The following SEMA5A variants were observed in gnomAD, a reference collection of about 807,000 sequenced individuals.
The protein encoded by SEMA5A is semaphorin-5A.
A neutral mutation model predicts 135.5 loss-of-function variants in SEMA5A; 55 were observed. That is an observed-to-expected ratio of 0.41 (90% CI 0.33 to 0.51). The LOEUF (loss-of-function observed/expected upper bound fraction) is 0.51, where lower values mean the gene tolerates loss of function less well. SEMA5A is among the 20% of genes least tolerant of loss of function. SEMA5A has a pLI of 0.37. For missense variants in SEMA5A, 1,290 were observed against 1,419.9 expected (o/e 0.91, Z 1.47); for synonymous variants, 580 against 546.5 (o/e 1.06, Z -0.85).
At chr5:9,072,509 A>G (rs1258279247) in intron 16 of SEMA5A, among the ~76,000 whole-genome samples, 1 of 152,198 alleles carries the variant, frequency 6.6e-6, no homozygotes, top group East Asian at 1.9e-4. Context: ...ATAGGGAAAG[A>G]TCTGCCTGAA....
chr5:9,076,034 G>A (rs765506458), intron 16 of SEMA5A, among the ~76,000 whole-genome samples: 9 of 151,606 alleles, frequency 5.9e-5, no homozygotes, highest in South Asian at 2.1e-4. Flanking sequence ...GTGAAACCCC[G>A]TCTCTACTAA....
At chr5:9,230,635 G>A (rs918130043) in intron 6 of SEMA5A, among the ~76,000 whole-genome samples, 67 of 152,144 alleles carry the variant, frequency 4.4e-4, no homozygotes, top group Admixed American at 4.2e-3. Context: ...AAAAAAGGAG[G>A]AAGATGTCAG....
At chr5:9,239,182 T>C (rs1748072595) in intron 5 of SEMA5A, among the ~76,000 whole-genome samples, 1 of 152,196 alleles carries the variant, frequency 6.6e-6, no homozygotes, top group Admixed American at 6.5e-5. Flanking sequence ...AAAGAACCAC[T>C]TCAGTGTCTT....
chr5:9,293,220 T>C (rs1751174398), intron 5 of SEMA5A, among the ~76,000 whole-genome samples: 1 of 152,178 alleles, frequency 6.6e-6, no homozygotes, highest in Admixed American at 6.5e-5. Context: ...TGGAAGAATG[T>C]AGTGCAAGGA....
At chr5:9,318,314 A>G in intron 5 of SEMA5A, 58 bp downstream of exon 5, 1 of 1,519,556 alleles carries the variant, frequency 6.6e-7, no homozygotes, top group South Asian at 1.2e-5. Context: ...TCATCCCCTC[A>G]AACAGTGAGT....
At chr5:9,533,249 A>C (rs554662578) in intron 1 of SEMA5A, among the ~76,000 whole-genome samples, 1 of 152,318 alleles carries the variant, frequency 6.6e-6, no homozygotes, top group South Asian at 2.1e-4. Context: ...TACCCCTCTG[A>C]ACATTTCAAC....
At chr5:9,221,226 G>A (rs1194139181) in intron 8 of SEMA5A, among the ~76,000 whole-genome samples, 2 of 152,048 alleles carry the variant, frequency 1.3e-5, no homozygotes, top group Non-Finnish European at 2.9e-5. Context: ...GCAGAACTAA[G>A]GGTGTTTGTT....
At chr5:9,292,454 G>A (rs957009799) in intron 5 of SEMA5A, among the ~76,000 whole-genome samples, 42 of 152,248 alleles carry the variant, frequency 2.8e-4, no homozygotes, top group African/African-American at 8.4e-4. Flanking sequence ...TGAGGCAGTG[G>A]CTACTCAGAT....
chr5:9,490,335 A>G (rs180715317), intron 1 of SEMA5A, among the ~76,000 whole-genome samples: 1 of 152,270 alleles, frequency 6.6e-6, no homozygotes, highest in African/African-American at 2.4e-5. Context: ...GACACAACCT[A>G]TGGTTACATT....
chr5:9,145,763 C>T (rs761878676), intron 12 of SEMA5A, among the ~76,000 whole-genome samples: 4 of 150,336 alleles, frequency 2.7e-5, no homozygotes, highest in African/African-American at 7.3e-5. Flanking sequence ...CTCAGCCTCC[C>T]GAGTAGCTGA....
intron 8 of SEMA5A, among the ~76,000 whole-genome samples, chr5:9,223,362 T>C (rs1747108825): frequency 6.6e-6 from 1 of 152,214 alleles, no homozygotes; most frequent in Admixed American, 6.5e-5. Flanking sequence ...CACGTATCCA[T>C]GGTTTTGCAT....
intron 5 of SEMA5A, among the ~76,000 whole-genome samples, chr5:9,238,476 A>C (rs1748027692): frequency 6.6e-6 from 1 of 152,142 alleles, no homozygotes; most frequent in Admixed American, 6.5e-5. Context: ...CTCTGACTAA[A>C]TGTTTAGAGC....
chr5:9,398,533 A>G lies in SEMA5A; in HGVS notation c.-77-18510T>C, dbSNP rs908863626. ...AAGGGCCAGGTCTGCAAACACATTG[A>G]GAAAATAATTTCCTAACAGACAAGA... On this transcript the variant is annotated intron_variant, in intron 2 of 22. Transcript: ENST00000382496. Among the ~76,000 whole-genome samples the G allele has an allele frequency of 1.3e-4, 20 of 152,358 alleles. No individual in the cohort carries two copies. The East Asian group carries it at 3.9e-3, about 29-fold the overall frequency.
chr5:9,474,521 C>T (rs1211015309), intron 1 of SEMA5A, among the ~76,000 whole-genome samples: 2 of 151,848 alleles, frequency 1.3e-5, no homozygotes, highest in Non-Finnish European at 2.9e-5. Flanking sequence ...GGTATTTCAT[C>T]TGAAAGAGTC....
chr5:9,278,113 T>TAAA (rs58789253), intron 5 of SEMA5A, among the ~76,000 whole-genome samples: 9 of 143,380 alleles, frequency 6.3e-5, no homozygotes, highest in African/African-American at 2.4e-4. Flanking sequence ...CATGTAAACT[T>TAAA]AAAAAAAAAA....
chr5:9,393,064 G>A lies in SEMA5A; in HGVS notation c.-77-13041C>T, dbSNP rs540081971. ...AAAATCTCACATGCTGTGAACATAC[G>A]GTATCTCATCCTTCAGTTCATTAGC... On this transcript the variant is annotated intron_variant, in intron 2 of 22. Coordinates refer to ENST00000382496, the MANE Select transcript of SEMA5A (RefSeq NM_003966.3). Among the ~76,000 whole-genome samples the A allele has an allele frequency of 7.2e-5, 11 of 152,234 alleles. No individual in the cohort carries two copies. The South Asian group carries it at 1.2e-3, about 17-fold the overall frequency.
intron 2 of SEMA5A, among the ~76,000 whole-genome samples, chr5:9,382,165 T>C (rs941178777): frequency 6.6e-6 from 1 of 152,026 alleles, no homozygotes; most frequent in Non-Finnish European, 1.5e-5. Flanking sequence ...CCAGGCATAG[T>C]TGTGTGTGTC....
chr5:9,539,195 A>C (rs1288718412), intron 1 of SEMA5A, among the ~76,000 whole-genome samples: 1 of 152,142 alleles, frequency 6.6e-6, no homozygotes, highest in East Asian at 1.9e-4. Context: ...GCATCTCTAT[A>C]AATGGAAATA....
chr5:9,545,176 G>A lies in SEMA5A; in HGVS notation c.-175+408C>T, dbSNP rs1579720300. ...GGCCGCTCCCGAACCGCCAAGTCCC[G>A]ACCTCCGTGTCCCCTGCCCCCGGCT... On this transcript the variant is annotated intron_variant, in intron 1 of 22. Coordinates refer to ENST00000382496, the MANE Select transcript of SEMA5A (RefSeq NM_003966.3). This position sits in a 1 kb window ranked among gnomAD's most constrained non-coding sequence, Gnocchi z 4.5. Among the ~76,000 whole-genome samples, 1 of 152,080 alleles carries A rather than the reference G, an allele frequency of 6.6e-6. No individual in the cohort carries two copies. The highest frequency in any genetic ancestry group is 1.5e-5 in the Non-Finnish European group (1 of 67,994).
Sources: gnomAD v4.1 joint callset for allele counts (sites outside exome capture counted in the v4.1 genomes callset) on GRCh38, gnomAD v4.1.1 for gene constraint, Gnocchi (gnomAD v3.1) non-coding constraint, MANE v1.5 for transcripts, NCBI Gene and HGNC (gene_info 2026-07-23, HGNC 2026-07-21) for gene names.